The following AMMECR1 variants were observed in gnomAD, a reference collection of about 807,000 sequenced individuals.
AMMECR1 encodes nuclear protein AMMECR1.
AMMECR1 carries 3 observed loss-of-function variants against 22.5 expected under a neutral mutation model. The observed-to-expected ratio is 0.13, with a 90% CI of 0.06 to 0.35. The LOEUF is 0.35. Among genes scored for constraint, AMMECR1 ranks in the 10% least tolerant of loss-of-function variants. AMMECR1 has a pLI of 1.00. For missense variants in AMMECR1, 235 were observed against 278.7 expected, an observed-to-expected ratio of 0.84 and a Z score of 1.12; for synonymous variants, 130 against 116.7, an observed-to-expected ratio of 1.11 and a Z score of -0.74.
chrX:110,268,899 A>G (rs1206966387), intron 1 of AMMECR1, among the ~76,000 whole-genome samples: 1 of 111,929 alleles, frequency 8.9e-6, no homozygotes, highest in African/African-American at 3.2e-5. Context: ...GAGGCCACCT[A>G]CATACATTGA....
intron 2 of AMMECR1, among the ~76,000 whole-genome samples, chrX:110,229,941 C>T (rs188886933): frequency 0.024 from 2,679 of 112,987 alleles, 41 homozygotes; most frequent in Middle Eastern, 0.041. Flanking sequence ...GAGGCGGCAG[C>T]CTGGCTGGGG....
chrX:110,439,151 G>A (rs1214516045), intron 1 of AMMECR1, among the ~76,000 whole-genome samples: 1 of 112,016 alleles, frequency 8.9e-6, no homozygotes, highest in African/African-American at 3.2e-5. Context: ...AAGGACAAGA[G>A]GGGCTGATTC....
intron 1 of AMMECR1, among the ~76,000 whole-genome samples, chrX:110,302,893 A>G (rs1462375997): frequency 9.1e-6 from 1 of 110,376 alleles, no homozygotes; most frequent in African/African-American, 3.3e-5. Context: ...AAATAAACAA[A>G]TCAAAAAACA....
At chrX:110,351,277 T>C (rs2148243249) in intron 2 of AMMECR1, among the ~76,000 whole-genome samples, 1 of 111,646 alleles carries the variant, frequency 9.0e-6, no homozygotes, top group Non-Finnish European at 1.9e-5. Flanking sequence ...ATGCAAGGGC[T>C]CCAGAATAGC....
chrX:110,352,604 G>C (rs1276248732), intron 2 of AMMECR1, among the ~76,000 whole-genome samples: 2 of 111,537 alleles, frequency 1.8e-5, no homozygotes, highest in Non-Finnish European at 3.8e-5. Context: ...TCTTTGTGGG[G>C]TGCTGATAAT....
chrX:110,420,123 G>A (rs374261030), intron 2 of AMMECR1, among the ~76,000 whole-genome samples: 12 of 111,424 alleles, frequency 1.1e-4, no homozygotes, highest in African/African-American at 3.9e-4. Context: ...CCCACCTCAT[G>A]TTACCCTACA....
chrX:110,266,790 T>C (rs959542836), intron 1 of AMMECR1, among the ~76,000 whole-genome samples: 2 of 109,533 alleles, frequency 1.8e-5, no homozygotes, highest in Admixed American at 2.0e-4. Context: ...GCTGCACCCA[T>C]CAATCCATCA....
rs745844977 is a variant in AMMECR1, at chrX:110,317,716, G to T, written c.356C>A (p.Pro119Gln). ...TGACACCACCATCTTCCGGGAGCCC[G>T]GCGATGAGGACGAGGCGGCGGACGA... is the stretch of plus-strand genomic sequence containing the variant. ...SSSSAASSSSPGSRKMVVSAE... is the reference protein window; with the variant it reads ...SSSSAASSSSQGSRKMVVSAE... The change falls in exon 1 of 6, where the codon CCG becomes CAG. Residue 119 changes from proline (P) to glutamine (Q), a missense_variant. Physicochemically the swap from Pro to Gln is moderately conservative, Grantham distance 76. Coordinates refer to ENST00000262844, the MANE Select transcript of AMMECR1 (RefSeq NM_015365.3). 1 of 1,201,997 alleles carries T rather than the reference G, an allele frequency of 8.3e-7. No individual in the cohort carries two copies.
chrX:110,216,925 T>C (rs1602786030), intron 2 of AMMECR1, among the ~76,000 whole-genome samples: 1 of 111,173 alleles, frequency 9.0e-6, no homozygotes, highest in East Asian at 2.8e-4. Flanking sequence ...CTGCTACTTG[T>C]AGAATCTAAG....
chrX:110,310,323 A>C (rs1452130495), intron 1 of AMMECR1, among the ~76,000 whole-genome samples: 1 of 111,250 alleles, frequency 9.0e-6, no homozygotes, highest in Non-Finnish European at 1.9e-5. Context: ...ATGAACTCTG[A>C]ATCATGTTCA....
intron 1 of AMMECR1, among the ~76,000 whole-genome samples, chrX:110,275,762 G>A (rs184748476): frequency 4.3e-4 from 48 of 111,164 alleles, no homozygotes; most frequent in African/African-American, 1.4e-3. Context: ...CCCAGGGTGC[G>A]GAGGTTGTGG....
At chrX:110,352,523 TG>T (rs765051394) in intron 2 of AMMECR1, among the ~76,000 whole-genome samples, 1 of 111,957 alleles carries the variant, frequency 8.9e-6, no homozygotes, top group East Asian at 2.8e-4. Context: ...AGTCATTTGG[TG>T]GTGCCCTAGG....
intron 1 of AMMECR1, among the ~76,000 whole-genome samples, chrX:110,294,920 C>T (rs777847982): frequency 1.8e-5 from 2 of 109,878 alleles, no homozygotes; most frequent in Non-Finnish European, 3.8e-5. Context: ...TCCCACACTG[C>T]CTTAGGTATA....
chrX:110,395,454 G>A (rs766230001), intron 2 of AMMECR1, among the ~76,000 whole-genome samples: 3 of 111,346 alleles, frequency 2.7e-5, no homozygotes, highest in Non-Finnish European at 5.7e-5. Flanking sequence ...TAAGTACTTT[G>A]CCTGCATTTC....
At chrX:110,297,281 G>A (rs1424674698) in intron 1 of AMMECR1, among the ~76,000 whole-genome samples, 2 of 111,796 alleles carry the variant, frequency 1.8e-5, no homozygotes. Flanking sequence ...GCCACCTCAG[G>A]CAGATACAGT....
At chrX:110,391,800 C>G (rs761496985) in intron 2 of AMMECR1, among the ~76,000 whole-genome samples, 2 of 112,376 alleles carry the variant, frequency 1.8e-5, no homozygotes, top group Non-Finnish European at 3.8e-5. Context: ...TTGGACCGAA[C>G]AGCATAGTCG....
At chrX:110,409,763 G>A (rs746214516) in intron 2 of AMMECR1, among the ~76,000 whole-genome samples, 1 of 111,273 alleles carries the variant, frequency 9.0e-6, no homozygotes, top group Non-Finnish European at 1.9e-5. Context: ...AGCCTTCAGG[G>A]CTCCTGATAA....
intron 4 of AMMECR1, among the ~76,000 whole-genome samples, chrX:110,201,568 T>C (rs1021249202): frequency 1.8e-5 from 2 of 111,840 alleles, no homozygotes; most frequent in African/African-American, 6.5e-5. Context: ...TACTAGTATC[T>C]GAGGCCCTCT....
chrX:110,280,161 A>G (rs1467737233), intron 1 of AMMECR1, among the ~76,000 whole-genome samples: 1 of 111,383 alleles, frequency 9.0e-6, no homozygotes, highest in Non-Finnish European at 1.9e-5. Context: ...AAAGAAAGGG[A>G]AACTGAGAAT....
Sources: gnomAD v4.1 joint callset for allele counts (sites outside exome capture counted in the v4.1 genomes callset) on GRCh38, gnomAD v4.1.1 for gene constraint, MANE v1.5 for transcripts, NCBI Gene and HGNC (gene_info 2026-07-23, HGNC 2026-07-21) for gene names.